The following CNTN4 variants were observed in gnomAD, a reference collection of about 807,000 sequenced individuals.
The protein encoded by CNTN4 is contactin 4.
In CNTN4, 77 loss-of-function variants were observed where a neutral mutation model predicts 122.5. That is an observed-to-expected ratio of 0.63 (90% CI 0.52 to 0.76). The LOEUF (loss-of-function observed/expected upper bound fraction) is 0.76, where lower values mean the gene tolerates loss of function less well. CNTN4 is among the 30% of genes least tolerant of loss of function. CNTN4 has a pLI of 0.00. For missense variants in CNTN4, 1,256 were observed against 1,259.1 expected (o/e 1.00, Z 0.04); for synonymous variants, 512 against 447.0 (o/e 1.15, Z -1.83).
rs766904064 is a variant in CNTN4, at chr3:2,988,384, C to T, written c.1398C>T (p.Asn466=). The T allele has an allele frequency of 2.5e-5, 40 of 1,613,490 alleles. No homozygotes were observed. Among genetic ancestry groups the T allele is most frequent in the Middle Eastern group, 1.6e-4 (1 of 6,080 alleles). ...AAGATGGAAACCTCAGAATCATCAACGTTACTAAATCAGACGCTGGGAGTT... is the reference window on the plus strand; with the variant it reads ...AAGATGGAAACCTCAGAATCATCAATGTTACTAAATCAGACGCTGGGAGTT... ...ISEDGNLRII[N]VTKSDAGSYT... The change falls in exon 14 of 25, where the codon AAC becomes AAT. Residue 466 remains asparagine (N), a synonymous_variant. Coordinates refer to ENST00000418658, the MANE Select transcript of CNTN4 (RefSeq NM_175607.3).
chr3:2,636,235 A>G (rs547812008), intron 4 of CNTN4, among the ~76,000 whole-genome samples: 1 of 152,330 alleles, frequency 6.6e-6, no homozygotes, highest in South Asian at 2.1e-4. Context: ...ATTAGGAGGA[A>G]GAGGACAATA....
intron 7 of CNTN4, among the ~76,000 whole-genome samples, chr3:2,842,302 T>C (rs530586979): frequency 6.6e-6 from 1 of 152,302 alleles, no homozygotes; most frequent in African/African-American, 2.4e-5. Context: ...GTGGATTCTT[T>C]GTGTTTCCCA....
chr3:2,358,070 T>G (rs1407909093), intron 3 of CNTN4, among the ~76,000 whole-genome samples: 1 of 152,218 alleles, frequency 6.6e-6, no homozygotes, highest in Non-Finnish European at 1.5e-5. Flanking sequence ...TTTTACTTAG[T>G]GTGGACGAGG....
intron 3 of CNTN4, among the ~76,000 whole-genome samples, chr3:2,471,979 C>T (rs35763288): frequency 0.2 from 29,714 of 151,922 alleles, 3,423 homozygotes; most frequent in Middle Eastern, 0.28. Context: ...AAGTATTTCT[C>T]AAGCTACCTA....
At chr3:2,443,335 T>C (rs932362076) in intron 3 of CNTN4, among the ~76,000 whole-genome samples, 3 of 152,110 alleles carry the variant, frequency 2.0e-5, no homozygotes, top group South Asian at 4.1e-4. Context: ...ACACAGAAAA[T>C]GAATGTTGTG....
intron 2 of CNTN4, among the ~76,000 whole-genome samples, chr3:2,210,016 T>TA (rs2038538937): frequency 6.6e-6 from 1 of 152,188 alleles, no homozygotes; most frequent in Non-Finnish European, 1.5e-5. Flanking sequence ...TCCTGGCTGA[T>TA]ACACACTTTA....
chr3:2,185,689 G>A (rs17009194), intron 2 of CNTN4, among the ~76,000 whole-genome samples: 44,696 of 151,920 alleles, frequency 0.29, 7,046 homozygotes, highest in East Asian at 0.45. Context: ...GATGGTCTTC[G>A]GGGTGTGATT....
chr3:2,605,720 A>T (rs902673429), intron 4 of CNTN4, among the ~76,000 whole-genome samples: 8 of 152,222 alleles, frequency 5.3e-5, no homozygotes, highest in Non-Finnish European at 1.0e-4. Context: ...AGTTTACCAC[A>T]GTAATTATTA....
rs1575872285 is a variant in CNTN4 at position 2,531,177 on chromosome 3, G to A, written c.-88-40239G>A. Among the ~76,000 whole-genome samples, 4 of 152,280 alleles carry A rather than the reference G, an allele frequency of 2.6e-5. No individual in the cohort carries two copies. In the South Asian group the frequency reaches 6.2e-4, roughly 24 times the overall value. ...TTTCACTTGTCAACTGGAAAACAACGGCAGGTCTTGAGATCTACCTCATCC... is the reference window on the plus strand; with the variant it reads ...TTTCACTTGTCAACTGGAAAACAACAGCAGGTCTTGAGATCTACCTCATCC... On this transcript the variant is annotated intron_variant, in intron 3 of 24. Transcript: ENST00000418658.
intron 2 of CNTN4, among the ~76,000 whole-genome samples, chr3:2,127,452 A>C (rs1182549140): frequency 6.6e-6 from 1 of 152,188 alleles, no homozygotes; most frequent in Non-Finnish European, 1.5e-5. Flanking sequence ...ATTCAGGCTC[A>C]TTGAACTTGT....
At chr3:2,796,640 C>T (rs551465597) in intron 6 of CNTN4, among the ~76,000 whole-genome samples, 1 of 152,308 alleles carries the variant, frequency 6.6e-6, no homozygotes, top group Admixed American at 6.5e-5. Flanking sequence ...AAGATGAATA[C>T]ACATTACCAG....
Position 2,802,893 on chromosome 3 carries a change from A to T in CNTN4, c.359-16593A>T, listed in dbSNP as rs1484568090. Among the ~76,000 whole-genome samples, 6 of 152,342 alleles carry T rather than the reference A, an allele frequency of 3.9e-5. No homozygotes were observed. In the East Asian group the frequency reaches 1.2e-3, roughly 29 times the overall value. ...AAAAAAAATGTAGGAGAATATCTTT[A>T]TGACTTCAGGATAAAGACGAGTTTC... On this transcript the variant is annotated intron_variant, in intron 6 of 24. Transcript: ENST00000418658.
chr3:2,997,741 G>A (rs1055593912), intron 14 of CNTN4, among the ~76,000 whole-genome samples: 1 of 152,188 alleles, frequency 6.6e-6, no homozygotes, highest in Non-Finnish European at 1.5e-5. Flanking sequence ...TCTCTTTTAT[G>A]TATCCATTTG....
At chr3:2,478,128 A>G (rs2075881916) in intron 3 of CNTN4, among the ~76,000 whole-genome samples, 1 of 152,210 alleles carries the variant, frequency 6.6e-6, no homozygotes, top group African/African-American at 2.4e-5. Flanking sequence ...AATAAAATAG[A>G]TGATGCGTTG....
At chr3:2,634,550 G>GC (rs1404229307) in intron 4 of CNTN4, among the ~76,000 whole-genome samples, 3 of 151,866 alleles carry the variant, frequency 2.0e-5, no homozygotes, top group Non-Finnish European at 4.4e-5. Context: ...AAATTCTAGG[G>GC]CCGGGCACAG....
chr3:2,881,036 C>T (rs1462230041), intron 8 of CNTN4, among the ~76,000 whole-genome samples: 1 of 151,632 alleles, frequency 6.6e-6, no homozygotes, highest in East Asian at 1.9e-4. Flanking sequence ...CTCATCATTC[C>T]AGGAAAGGAA....
At chr3:2,616,972 C>T (rs1459089891) in intron 4 of CNTN4, among the ~76,000 whole-genome samples, 1 of 152,112 alleles carries the variant, frequency 6.6e-6, no homozygotes, top group African/African-American at 2.4e-5. Context: ...CCTCCTTACA[C>T]CTTATACGAA....
At chr3:2,666,231 G>T (rs1201402818) in intron 4 of CNTN4, among the ~76,000 whole-genome samples, 1 of 152,098 alleles carries the variant, frequency 6.6e-6, no homozygotes, top group East Asian at 1.9e-4. Context: ...AATTCAGTTT[G>T]CCAGCTATTT....
At chr3:2,498,731 CTTGGCCTCCCAAAGGG>C (rs2076517995) in intron 3 of CNTN4, among the ~76,000 whole-genome samples, 1 of 152,072 alleles carries the variant, frequency 6.6e-6, no homozygotes, top group Non-Finnish European at 1.5e-5. Context: ...ATCCACCTGC[CTTGGCCTCCCAAAGGG>C]CTGGTATTAC....
Sources: allele counts gnomAD v4.1 joint callset (sites outside exome capture counted in the v4.1 genomes callset), GRCh38; gene constraint gnomAD v4.1.1; transcripts MANE v1.5; gene names NCBI Gene and HGNC (gene_info 2026-07-23, HGNC 2026-07-21).